Variants in PARP15 observed in about 807,000 individuals in gnomAD.
The protein encoded by PARP15 is poly(ADP-ribose) polymerase family member 15.
PARP15 carries 50 observed loss-of-function variants against 62.1 expected under a neutral mutation model. The observed-to-expected ratio is 0.81, with a 90% CI of 0.64 to 1.02. The LOEUF is 1.02. Among genes scored for constraint, PARP15 ranks in the 50% least tolerant of loss-of-function variants. PARP15 has a pLI of 0.00. For synonymous variants in PARP15, 309 were observed against 293.1 expected (o/e 1.05, Z -0.55); for missense variants, 820 against 826.5 (o/e 0.99, Z 0.10).
chr3:122,598,629 C>G (rs1934541341), intron 1 of PARP15, among the ~76,000 whole-genome samples: 1 of 152,196 alleles, frequency 6.6e-6, no homozygotes, highest in Non-Finnish European at 1.5e-5. Flanking sequence ...ATACACCAGC[C>G]TCAGAAGTGA....
chr3:122,584,605 C>G (rs1933266632), intron 1 of PARP15, among the ~76,000 whole-genome samples: 2 of 117,260 alleles, frequency 1.7e-5, no homozygotes. Context: ...TGGAGTTTCA[C>G]TCTTGTTGCC....
intron 1 of PARP15, among the ~76,000 whole-genome samples, chr3:122,591,498 C>T (rs1435775672): frequency 1.3e-5 from 2 of 152,184 alleles, no homozygotes; most frequent in Admixed American, 6.5e-5. Flanking sequence ...CACAGTGGCT[C>T]ACGCCTGTAA....
chr3:122,607,520 A>G (rs576341203), intron 2 of PARP15, among the ~76,000 whole-genome samples: 2 of 152,330 alleles, frequency 1.3e-5, no homozygotes, highest in African/African-American at 2.4e-5. Flanking sequence ...CTTGCACATA[A>G]TAAGGACTCA....
intron 1 of PARP15, among the ~76,000 whole-genome samples, chr3:122,591,972 A>C (rs1465742120): frequency 3.3e-5 from 5 of 152,140 alleles, no homozygotes; most frequent in Non-Finnish European, 7.4e-5. Context: ...AGAAATAAGA[A>C]TGCTTTTACA....
intron 9 of PARP15, among the ~76,000 whole-genome samples, chr3:122,629,457 C>G (rs1315210087): frequency 6.6e-6 from 1 of 152,080 alleles, no homozygotes; most frequent in Non-Finnish European, 1.5e-5. Context: ...ATCCCACCCC[C>G]ACAGGTGAGG....
intron 1 of PARP15, among the ~76,000 whole-genome samples, chr3:122,587,524 T>A (rs1933540827): frequency 6.6e-6 from 1 of 152,136 alleles, no homozygotes; most frequent in African/African-American, 2.4e-5. Context: ...TGTTGTTTTG[T>A]TTTTATTTTT....
intron 6 of PARP15, 144 bp downstream of exon 6, chr3:122,617,308 C>T: frequency 2.5e-6 from 2 of 803,552 alleles, no homozygotes; most frequent in South Asian, 1.8e-5. Context: ...GGTTGAATCC[C>T]AGCTATGCCA....
intron 1 of PARP15, 118 bp from the exon 2 acceptor site, chr3:122,605,818 G>T (rs1576506786): frequency 3.0e-6 from 3 of 1,016,632 alleles, no homozygotes; most frequent in Non-Finnish European, 4.2e-6. Flanking sequence ...CTGGGCTCAA[G>T]TGATTCTCCC....
At chr3:122,594,243 G>A (rs1263956650) in intron 1 of PARP15, among the ~76,000 whole-genome samples, 2 of 152,118 alleles carry the variant, frequency 1.3e-5, no homozygotes, top group Admixed American at 6.6e-5. Context: ...TAAGGTTACA[G>A]TGAGCTATGA....
In PARP15 at chr3:122,635,979, A is replaced by T; in HGVS notation, c.1916A>T (p.Asn639Ile). The change falls in exon 12 of 12, where the codon AAT becomes ATT. Residue 639 changes from asparagine to isoleucine, a missense_variant. Asn to Ile is a moderately radical substitution (Grantham distance 149). Transcript: ENST00000464300. ...GGATTAGTCACCCCTCCACCCAAGA[A>T]TCCTCACAATCCCACAGATCTCTTT... ...RAGLVTPPPK[N>I]PHNPTDLFDS... The T allele has an allele frequency of 6.2e-7, 1 of 1,614,114 alleles. No homozygotes were observed.
rs546816756 is a variant in PARP15 at position 122,631,018 on chromosome 3, C to T, written c.1439-1068C>T. Among the ~76,000 whole-genome samples, 12 of 152,314 alleles carry T rather than the reference C, an allele frequency of 7.9e-5. No individual in the cohort carries two copies. In the South Asian group the frequency reaches 2.1e-3, roughly 26 times the overall value. ...TCCTGATAGCTTCCTGCTTTCCAGC[C>T]TCAGGGCATGAAAGGAATAGAAGGC... On this transcript the variant is annotated intron_variant, in intron 9 of 11. Coordinates refer to ENST00000464300, the MANE Select transcript of PARP15 (RefSeq NM_001113523.3).
Position 122,615,800 on chromosome 3 carries a change from A to C in PARP15, c.793A>C (p.Asn265His). The C allele has an allele frequency of 2.5e-6, 4 of 1,613,494 alleles. No individual in the cohort carries two copies. The highest frequency in any genetic ancestry group is 2.5e-6 in the Non-Finnish European group (3 of 1,179,436). Reference protein sequence around the residue: ...GCQAFLDEFTNWSRINPNKAR... With the variant: ...GCQAFLDEFTHWSRINPNKAR... ...CCAGGCATTTTTAGATGAATTCACT[A>C]ACTGGTCAAGAATAAATCCCAACAA... The change falls in exon 5 of 12, where the codon AAC (asparagine) becomes CAC (histidine). Residue 265 changes from asparagine (N) to histidine (H), a missense_variant. Asn to His is a moderately conservative substitution (Grantham distance 68). Coordinates refer to ENST00000464300, the MANE Select transcript of PARP15 (RefSeq NM_001113523.3).
chr3:122,579,131 G>C (rs1368060380), intron 1 of PARP15, among the ~76,000 whole-genome samples: 1 of 152,094 alleles, frequency 6.6e-6, no homozygotes, highest in African/African-American at 2.4e-5. Context: ...CCATTATGAA[G>C]GAATGTTTTG....
chr3:122,584,379 A>G lies in PARP15; in HGVS notation c.186+6526A>G, dbSNP rs149606465. ...GTTTTATTTCATCTTTTTCTATTCTATGATCTTGTTTTTTGACCAATATAA... is the reference window on the plus strand; with the variant it reads ...GTTTTATTTCATCTTTTTCTATTCTGTGATCTTGTTTTTTGACCAATATAA... On this transcript the variant is annotated intron_variant, in intron 1 of 11. Coordinates refer to ENST00000464300, the MANE Select transcript of PARP15 (RefSeq NM_001113523.3). Among the ~76,000 whole-genome samples, 683 of 152,146 alleles carry G rather than the reference A, an allele frequency of 4.5e-3. 5 individuals carry two copies. Among genetic ancestry groups the G allele is most frequent in the African/African-American group, 0.016 (660 of 41,494 alleles).
chr3:122,581,458 T>C (rs6764697), intron 1 of PARP15, among the ~76,000 whole-genome samples: 1,524 of 152,316 alleles, frequency 0.01, 27 homozygotes, highest in African/African-American at 0.035. Context: ...TATGAGGTGA[T>C]ATTCCACCAT....
chr3:122,584,791 T>C (rs1933283454), intron 1 of PARP15, among the ~76,000 whole-genome samples: 1 of 152,122 alleles, frequency 6.6e-6, no homozygotes, highest in Admixed American at 6.5e-5. Flanking sequence ...TTGGTCAGGC[T>C]GGTCTTGAAC....
At position 122,636,142 on chromosome 3, in the gene PARP15, A is replaced by C; in HGVS notation, c.*42A>C. ...AAAGAGATGATTTAAGTCATCTGTA[A>C]GAACAACATGCAATCTTTGTCTTTG... On this transcript the variant is annotated 3_prime_UTR_variant, in exon 12 of 12. Transcript: ENST00000464300. The C allele has an allele frequency of 6.5e-7, 1 of 1,544,868 alleles. No homozygotes were observed. Among genetic ancestry groups the C allele is most frequent in the South Asian group, 1.2e-5 (1 of 83,322 alleles).
At chr3:122,587,809 C>T (rs1448622553) in intron 1 of PARP15, among the ~76,000 whole-genome samples, 1 of 152,196 alleles carries the variant, frequency 6.6e-6, no homozygotes, top group Non-Finnish European at 1.5e-5. Context: ...CTGGTGTGAG[C>T]CACTTCACCC....
chr3:122,583,023 T>C (rs762439988), intron 1 of PARP15, among the ~76,000 whole-genome samples: 6 of 151,878 alleles, frequency 4.0e-5, no homozygotes, highest in Non-Finnish European at 8.8e-5. Context: ...CTGCTAAGTA[T>C]GCCCGTGTTT....
Sources: gnomAD v4.1 joint callset for allele counts (sites outside exome capture counted in the v4.1 genomes callset) on GRCh38, gnomAD v4.1.1 for gene constraint, MANE v1.5 for transcripts, NCBI Gene and HGNC (gene_info 2026-07-23, HGNC 2026-07-21) for gene names.